SPTBN4: variants seen among roughly 807,000 people sequenced by gnomAD.
SPTBN4 encodes the protein spectrin beta, non-erythrocytic 4.
SPTBN4 carries 96 observed loss-of-function variants against 277.8 expected under a neutral mutation model. The ratio of observed to expected loss-of-function variants is 0.35; its 90% CI spans 0.29 to 0.41. The LOEUF is 0.41. Ranked by LOEUF, SPTBN4 falls within the 10% of genes least tolerant of loss-of-function variation. The pLI is 1.00. For synonymous variants in SPTBN4, 1,481 were observed against 1,580.3 expected (o/e 0.94, Z 1.49); for missense variants, 3,006 against 3,595.7 (o/e 0.84, Z 4.19).
At chr19:40,511,247 T>C (rs2080387796) in intron 13 of SPTBN4, among the ~76,000 whole-genome samples, 1 of 108,792 alleles carries the variant, frequency 9.2e-6, no homozygotes. Flanking sequence ...CTACTAAAAA[T>C]ACAAAAAAAA....
At chr19:40,524,543 G>C (rs959145665) in intron 17 of SPTBN4, 1 of 454,322 alleles carries the variant, frequency 2.2e-6, no homozygotes, top group Non-Finnish European at 4.4e-6. Flanking sequence ...TACTTCCCTA[G>C]ATGCCTCATT....
chr19:40,499,153 C>A (rs563866168), intron 7 of SPTBN4, among the ~76,000 whole-genome samples: 1 of 151,652 alleles, frequency 6.6e-6, no homozygotes, highest in Admixed American at 6.6e-5. Context: ...CTCAGCTTCC[C>A]AAGTAACTGG....
chr19:40,511,713 G>A (rs772837375), intron 13 of SPTBN4, among the ~76,000 whole-genome samples: 6 of 152,192 alleles, frequency 3.9e-5, no homozygotes, highest in Non-Finnish European at 8.8e-5. Context: ...GACCAGCCTG[G>A]CCAACATAGT....
In SPTBN4 at chr19:40,519,971, C is replaced by A; in HGVS notation, c.3474C>A (p.Ala1158=). 6.5e-7 allele frequency: 1 copy of A among 1,538,676 alleles called. No individual in the cohort carries two copies. The highest frequency in any genetic ancestry group is 2.2e-5 in the Admixed American group (1 of 45,032). Residue 1158 remains alanine (A), a synonymous_variant, in exon 16 of 36, where the codon GCC becomes GCA. Coordinates refer to ENST00000598249, the MANE Select transcript of SPTBN4 (RefSeq NM_020971.3). This position sits in a 1 kb window ranked among gnomAD's most constrained non-coding sequence, Gnocchi z 5.7. ...TGGCGGCCAGCGAGGCGCTGCTGGC[C>A]GCCGACGGCGCAGAGCTGGGCCCGG... ...RIVAASEALL[A]ADGAELGPGL...
rs750843677 is a variant in SPTBN4 at position 40,570,668 on chromosome 19, A to C, written c.7259A>C (p.Gln2420Pro). 4 of 1,601,476 alleles carry C rather than the reference A, an allele frequency of 2.5e-6. No individual in the cohort carries two copies. The highest frequency in any genetic ancestry group is 2.3e-5 in the East Asian group (1 of 43,868). ...CCGCCACCGCCCACTCACACAGTGC[A>C]GCACGAGGGCTTCCTACTGCGCAAG... ...APPPPPTHTV[Q>P]HEGFLLRKRE... Residue 2420 changes from glutamine (Q) to proline (P), a missense_variant, in exon 33 of 36, where the codon CAG becomes CCG. Physicochemically the swap from Gln to Pro is moderately conservative, Grantham distance 76. Around this residue, in one of 5 missense-constraint regions of SPTBN4, gnomAD observed 630 missense variants for 677.6 expected, o/e 0.93. Coordinates refer to ENST00000598249, the MANE Select transcript of SPTBN4 (RefSeq NM_020971.3).
chr19:40,521,635 G>GC (rs923324041), intron 16 of SPTBN4, among the ~76,000 whole-genome samples: 3 of 152,168 alleles, frequency 2.0e-5, no homozygotes, highest in East Asian at 1.9e-4. Flanking sequence ...ATGCTCACTC[G>GC]CCCCCCCTCC....
At chr19:40,538,250 G>T (rs774827614) in intron 20 of SPTBN4, among the ~76,000 whole-genome samples, 3 of 152,118 alleles carry the variant, frequency 2.0e-5, no homozygotes, top group Admixed American at 6.5e-5. Flanking sequence ...TTAGCCGAAC[G>T]TGGTGGCACA....
chr19:40,549,728 C>T (rs1475423977), intron 21 of SPTBN4, among the ~76,000 whole-genome samples: 5 of 152,176 alleles, frequency 3.3e-5, no homozygotes, highest in African/African-American at 7.2e-5. Flanking sequence ...TCCTGATTTG[C>T]TCATTCATTT....
At chr19:40,530,655 T>A in intron 18 of SPTBN4, 2 of 800,302 alleles carry the variant, frequency 2.5e-6, no homozygotes, top group South Asian at 5.7e-5. Context: ...GGGAGGGGGC[T>A]CGGGCGCGTG....
intron 22 of SPTBN4, among the ~76,000 whole-genome samples, chr19:40,552,442 C>T (rs1428478140): frequency 2.5e-5 from 3 of 120,912 alleles, no homozygotes; most frequent in Non-Finnish European, 4.8e-5. Flanking sequence ...GTGTCAAGAG[C>T]GAGACTCCGT....
Position 40,556,281 on chromosome 19 carries a change from A to T in SPTBN4, c.5282A>T (p.His1761Leu). 1 of 1,611,812 alleles carries T rather than the reference A, an allele frequency of 6.2e-7. No individual in the cohort carries two copies. The highest frequency in any genetic ancestry group is 8.5e-7 in the Non-Finnish European group (1 of 1,178,918). ...GSPELGQDFE[H>L]VSVLQEKFSE... is the part of the protein sequence containing the mutation. ...CCCGAGCTCGGCCAGGACTTTGAGCATGTCTCGGTGAGCATCATTAGTAAT... is the reference window on the plus strand; with the variant it reads ...CCCGAGCTCGGCCAGGACTTTGAGCTTGTCTCGGTGAGCATCATTAGTAAT... The change falls in exon 25 of 36, where the codon CAT (histidine) becomes CTT (leucine). Residue 1761 changes from histidine (H) to leucine (L), a missense_variant. By Grantham distance (99) the His-to-Leu change is moderately conservative. Coordinates refer to ENST00000598249, the MANE Select transcript of SPTBN4 (RefSeq NM_020971.3).
In SPTBN4 at chr19:40,500,081, A is replaced by C. The variant is rs8108480; in HGVS notation, c.785-1840A>C. On this transcript the variant is annotated intron_variant, in intron 7 of 35. Coordinates refer to ENST00000598249, the MANE Select transcript of SPTBN4 (RefSeq NM_020971.3). ...AATGTAGTGAAATCCCATATCTACA[A>C]ACCTGTAGTCCCAGCTACACAGGAG... 8.5e-4 allele frequency among the ~76,000 whole-genome samples: 100 copies of C among 117,310 alleles called. 12 individuals carry two copies. Among genetic ancestry groups the C allele is most frequent in the African/African-American group, 2.4e-3 (58 of 24,544 alleles). The allele number at this position is 117,310 out of a possible 152,430, so 77.0% of individuals were successfully genotyped here. A position where few individuals can be genotyped will look rare whatever the true frequency, so the allele number is the denominator to read the frequency against.
chr19:40,559,258 A>G (rs1038821823), intron 26 of SPTBN4, among the ~76,000 whole-genome samples: 4 of 152,092 alleles, frequency 2.6e-5, no homozygotes, highest in African/African-American at 9.7e-5. Flanking sequence ...CCTACAAATG[A>G]CTTAGAAATC....
In SPTBN4 at chr19:40,567,854, G is replaced by T. The variant is rs758029975; in HGVS notation, c.6528G>T (p.Val2176=). The T allele has an allele frequency of 1.3e-6, 2 of 1,525,538 alleles. No homozygotes were observed. Among genetic ancestry groups the T allele is most frequent in the Admixed American group, 2.1e-5 (1 of 48,314 alleles). 94.5% of individuals were successfully genotyped at this position (1,525,538 alleles called of 1,614,324 possible). The part of the protein sequence containing the change: ...DTLSAEVRTR[V]GYVRQELKPE... The stretch of plus-strand genomic sequence containing the variant: ...TCTCGGCCGAGGTGCGGACTCGGGT[G>T]GGGTATGTGCGCCAGGAGCTCAAGC... The change falls in exon 31 of 36, where the codon GTG becomes GTT. Residue 2176 remains valine (V), a synonymous_variant. Transcript: ENST00000598249.
At position 40,512,758 on chromosome 19, in the gene SPTBN4, G is replaced by T; in HGVS notation, c.1969G>T (p.Glu657Ter). Residue 657 changes from glutamate to a stop codon, truncating the protein, a stop_gained, in exon 14 of 36, where the codon GAG (glutamate) becomes TAG (stop). Transcript: ENST00000598249. LOFTEE classifies it high-confidence loss of function. The stretch of plus-strand genomic sequence containing the variant: ...GCTGCTGCAGGAGCTGGAGGAGGCC[G>T]AGAGCTGGGCGCGCGACAAGGAGCG... ...WALLQELEEAESWARDKERLL... is the reference protein window; with the variant it reads ...WALLQELEEA 1 of 1,511,764 alleles carries T rather than the reference G, an allele frequency of 6.6e-7. No homozygotes were observed. The highest frequency in any genetic ancestry group is 8.8e-7 in the Non-Finnish European group (1 of 1,138,384). The allele number at this position is 1,511,764 out of a possible 1,614,324, so 93.6% of individuals were successfully genotyped here. A position where few individuals can be genotyped will look rare whatever the true frequency, so the allele number is the denominator to read the frequency against.
chr19:40,532,906 C>G lies in SPTBN4; in HGVS notation c.4095+135C>G, dbSNP rs549342124. ...GGACTGACTCAAATCAGCTCCAGAT[C>G]TGCTCCTAGCTATGTGGCTTTGAGT... On this transcript the variant is annotated intron_variant, in intron 19 of 35. Coordinates refer to ENST00000598249, the MANE Select transcript of SPTBN4 (RefSeq NM_020971.3). The G allele has an allele frequency of 7.7e-5, 83 of 1,084,450 alleles. No homozygotes were observed. In the South Asian group the frequency reaches 1.2e-3, roughly 15 times the overall value. 67.2% of individuals were successfully genotyped at this position (1,084,450 alleles called of 1,614,324 possible).
chr19:40,515,029 C>T lies in SPTBN4; in HGVS notation c.2766-282C>T, dbSNP rs1000990608. Among the ~76,000 whole-genome samples, 2 of 152,038 alleles carry T rather than the reference C, an allele frequency of 1.3e-5. No homozygotes were observed. Among genetic ancestry groups the T allele is most frequent in the African/African-American group, 2.4e-5 (1 of 41,390 alleles). ...CTGAGACATGAGAATCGCTTGAATCCGGGAGGCAGAGGTTGCAGTGAGCCA... is the reference window on the plus strand; with the variant it reads ...CTGAGACATGAGAATCGCTTGAATCTGGGAGGCAGAGGTTGCAGTGAGCCA... On this transcript the variant is annotated intron_variant, in intron 14 of 35. Coordinates refer to ENST00000598249, the MANE Select transcript of SPTBN4 (RefSeq NM_020971.3). The surrounding 1 kb of genome is among the most constrained non-coding windows in gnomAD (Gnocchi z 4.1).
At chr19:40,486,964 G>A (rs2080078966) in intron 2 of SPTBN4, among the ~76,000 whole-genome samples, 1 of 152,176 alleles carries the variant, frequency 6.6e-6, no homozygotes, top group Non-Finnish European at 1.5e-5. Flanking sequence ...GGACAGGAAG[G>A]TTTTCACCAG....
At chr19:40,570,825 A>C in intron 33 of SPTBN4, 97 bp downstream of exon 33, 3 of 1,282,244 alleles carry the variant, frequency 2.3e-6, no homozygotes, top group Non-Finnish European at 3.1e-6. Flanking sequence ...GCTCAACTTC[A>C]GGCCCTCCAG....
Sources: allele counts gnomAD v4.1 joint callset (sites outside exome capture counted in the v4.1 genomes callset), GRCh38; gene constraint gnomAD v4.1.1; regional missense constraint gnomAD v4.1.1; non-coding constraint Gnocchi (gnomAD v3.1); transcripts MANE v1.5; gene names NCBI Gene and HGNC (gene_info 2026-07-23, HGNC 2026-07-21).